KLHL4: variants seen among roughly 807,000 people sequenced by gnomAD.
KLHL4 encodes the protein kelch-like protein 4.
A neutral mutation model predicts 45.8 loss-of-function variants in KLHL4; 17 were observed. The ratio of observed to expected loss-of-function variants is 0.37; its 90% confidence interval spans 0.25 to 0.56. The LOEUF (loss-of-function observed/expected upper bound fraction) is 0.56. Ranked by LOEUF, KLHL4 falls within the 20% of genes least tolerant of loss-of-function variation. The pLI is 0.79. For missense variants in KLHL4, 544 were observed against 544.9 expected (o/e 1.00, Z 0.02); for synonymous variants, 224 against 189.9 (o/e 1.18, Z -1.47).
intron 1 of KLHL4, among the ~76,000 whole-genome samples, chrX:87,597,658 T>C (rs1474255847): frequency 9.0e-6 from 1 of 111,677 alleles, no homozygotes; most frequent in Non-Finnish European, 1.9e-5. Flanking sequence ...GATTCATATT[T>C]GTTTTTCTGC....
chrX:87,616,237 G>A (rs963684114), intron 3 of KLHL4, among the ~76,000 whole-genome samples: 4 of 111,083 alleles, frequency 3.6e-5, no homozygotes, highest in South Asian at 3.8e-4. Flanking sequence ...ATTGATCTGC[G>A]TCTCAGATGG....
Position 87,605,322 on chromosome X carries a change from G to A in KLHL4, c.423-8555G>A, listed in dbSNP as rs189307641. On this transcript the variant is annotated intron_variant, in intron 1 of 10. Coordinates refer to ENST00000373119, the MANE Select transcript of KLHL4 (RefSeq NM_019117.5). ...AGGAATGTCATTTGTATTTTCATTG[G>A]TATTGCATTAAATCTGTAGATTGCA... 1.6e-3 allele frequency among the ~76,000 whole-genome samples: 173 copies of A among 110,826 alleles called. 1 individual carries two copies. The highest frequency in any genetic ancestry group is 5.4e-3 in the African/African-American group (164 of 30,589).
chrX:87,527,236 A>G (rs1463191042), intron 1 of KLHL4, among the ~76,000 whole-genome samples: 1 of 111,980 alleles, frequency 8.9e-6, no homozygotes, highest in African/African-American at 3.3e-5. Context: ...CAAGCTTTTG[A>G]GAACATTCTT....
chrX:87,661,398 C>T (rs1474102470), intron 9 of KLHL4, among the ~76,000 whole-genome samples: 1 of 110,590 alleles, frequency 9.0e-6, no homozygotes, highest in Non-Finnish European at 1.9e-5. Context: ...TTTTTATTCC[C>T]ATTATTATAA....
At chrX:87,658,257 T>C (rs1254456947) in intron 9 of KLHL4, among the ~76,000 whole-genome samples, 1 of 111,770 alleles carries the variant, frequency 8.9e-6, no homozygotes, top group Non-Finnish European at 1.9e-5. Context: ...CCCATACCAC[T>C]GTCTTCTCTC....
chrX:87,599,378 C>G (rs1009043562), intron 1 of KLHL4, among the ~76,000 whole-genome samples: 5 of 111,411 alleles, frequency 4.5e-5, no homozygotes, highest in African/African-American at 6.5e-5. Context: ...TAAACTCAGC[C>G]TAGAAAGTAT....
chrX:87,582,968 G>A (rs896547786), intron 1 of KLHL4, among the ~76,000 whole-genome samples: 6 of 111,117 alleles, frequency 5.4e-5, no homozygotes, highest in Admixed American at 3.8e-4. Context: ...TCATAGTGTC[G>A]TTTTTTTCAA....
At chrX:87,649,952 C>T (rs946639043) in intron 9 of KLHL4, among the ~76,000 whole-genome samples, 4 of 111,150 alleles carry the variant, frequency 3.6e-5, no homozygotes, top group African/African-American at 1.3e-4. Context: ...AAGCAGTAAA[C>T]CTCCAACTTT....
rs976633005 is a variant in KLHL4, at chrX:87,613,720, G to A, written c.423-157G>A. On this transcript the variant is annotated intron_variant, in intron 1 of 10. Transcript: ENST00000373119. ...TAATTATAGTAAAATATCTAAGATC[G>A]GAAAACAGATTTTAATTTTACTTTA... Among the ~76,000 whole-genome samples the A allele has an allele frequency of 3.1e-4, 35 of 111,462 alleles. 1 individual carries two copies. The highest frequency in any genetic ancestry group is 4.9e-4 in the Non-Finnish European group (26 of 52,950).
rs187409354 is a variant in KLHL4 at position 87,614,631 on chromosome X, G to T, written c.727+61G>T. 1.3e-3 allele frequency: 1,164 copies of T among 929,592 alleles called. 1 individual carries two copies. Among genetic ancestry groups the T allele is most frequent in the African/African-American group, 7.8e-3 (398 of 51,222 alleles). 76.6% of individuals were successfully genotyped at this position (929,592 alleles called of 1,213,427 possible). ...TACATTACATAACACATTATTATTA[G>T]TAGTAGTAGTAGTTATTATTGCTAC... On this transcript the variant is annotated intron_variant, in intron 3 of 10. Transcript: ENST00000373119.
intron 1 of KLHL4, among the ~76,000 whole-genome samples, chrX:87,562,757 C>T (rs1259556116): frequency 9.0e-6 from 1 of 111,060 alleles, no homozygotes. Flanking sequence ...AGCCCTTGGG[C>T]CTTGAATAAA....
In KLHL4 at chrX:87,669,601, A is replaced by G. The variant is rs1225132439; in HGVS notation, c.*3067A>G. The stretch of plus-strand genomic sequence containing the variant: ...CCTTGAGATCTTAGTCTAGGTAAAG[A>G]AAAAAAAAAAAAGGTCATGAAACAC... On this transcript the variant is annotated 3_prime_UTR_variant, in exon 11 of 11. Coordinates refer to ENST00000373119, the MANE Select transcript of KLHL4 (RefSeq NM_019117.5). 2 of 157,775 alleles carry G rather than the reference A, an allele frequency of 1.3e-5. No individual in the cohort carries two copies. Among genetic ancestry groups the G allele is most frequent in the Non-Finnish European group, 2.3e-5 (2 of 87,661 alleles). The allele number at this position is 157,775 out of a possible 1,213,427, so 13.0% of individuals were successfully genotyped here.
intron 6 of KLHL4, 72 bp from the exon 7 acceptor site, chrX:87,632,138 A>G: frequency 1.6e-6 from 1 of 615,828 alleles, no homozygotes; most frequent in Non-Finnish European, 2.6e-6. Context: ...GTACATAATT[A>G]TAATGTGAAT....
At chrX:87,623,860 C>A (rs1479974552) in intron 5 of KLHL4, among the ~76,000 whole-genome samples, 2 of 111,491 alleles carry the variant, frequency 1.8e-5, no homozygotes, top group East Asian at 5.6e-4. Flanking sequence ...TGAAGGTATA[C>A]ACTTATATGT....
chrX:87,543,488 G>T (rs780541148), intron 1 of KLHL4, among the ~76,000 whole-genome samples: 1 of 111,605 alleles, frequency 9.0e-6, no homozygotes, highest in African/African-American at 3.3e-5. Flanking sequence ...GTGAATCTCA[G>T]ATGCCACCCC....
At chrX:87,553,524 T>A (rs1931885826) in intron 1 of KLHL4, among the ~76,000 whole-genome samples, 1 of 110,849 alleles carries the variant, frequency 9.0e-6, no homozygotes, top group East Asian at 2.8e-4. Flanking sequence ...GTACTGGATG[T>A]CTTCATGTAC....
intron 9 of KLHL4, among the ~76,000 whole-genome samples, chrX:87,641,690 C>T (rs113140000): frequency 2.1e-3 from 236 of 111,147 alleles, no homozygotes; most frequent in African/African-American, 7.1e-3. Flanking sequence ...AGACTTGGGG[C>T]TGTTGGGGAG....
In KLHL4 at chrX:87,539,615, G is replaced by A. The variant is rs189463575; in HGVS notation, c.422+21300G>A. Among the ~76,000 whole-genome samples the A allele has an allele frequency of 3.6e-3, 394 of 110,630 alleles. 6 individuals carry two copies. The South Asian group carries it at 0.048, about 14-fold the overall frequency. ...TGCATCAAAAACTCACATTATGACA[G>A]TGTTAGCCATTACCAACATCTGATG... is the stretch of plus-strand genomic sequence containing the variant. On this transcript the variant is annotated intron_variant, in intron 1 of 10. Coordinates refer to ENST00000373119, the MANE Select transcript of KLHL4 (RefSeq NM_019117.5).
At chrX:87,664,982 A>G in intron 10 of KLHL4, 47 bp downstream of exon 10, 1 of 830,297 alleles carries the variant, frequency 1.2e-6, no homozygotes, top group South Asian at 2.8e-5. Context: ...GGTTTTAAAA[A>G]GAAGATATTA....
Sources: allele counts gnomAD v4.1 joint callset (sites outside exome capture counted in the v4.1 genomes callset), GRCh38; gene constraint gnomAD v4.1.1; transcripts MANE v1.5; gene names NCBI Gene and HGNC (gene_info 2026-07-23, HGNC 2026-07-21).